Variants in FZD1 observed in about 807,000 individuals in gnomAD.
The protein encoded by FZD1 is frizzled class receptor 1.
Under a neutral mutation model 48.0 loss-of-function variants are expected in FZD1, and 22 were observed. The observed-to-expected ratio is 0.46, with a 90% CI of 0.33 to 0.65. The LOEUF is 0.65. FZD1 is among the 30% of genes least tolerant of loss of function. The pLI is 0.02. For synonymous variants in FZD1, 486 were observed against 409.6 expected (o/e 1.19, Z -2.25); for missense variants, 843 against 898.1 (o/e 0.94, Z 0.78).
chr7:91,265,251 G>A lies in FZD1; in HGVS notation c.371G>A (p.Cys124Tyr). 6.2e-7 allele frequency: 1 copy of A among 1,614,118 alleles called. No homozygotes were observed. The highest frequency in any genetic ancestry group is 8.5e-7 in the Non-Finnish European group (1 of 1,179,968). Residue 124 changes from cysteine to tyrosine, a missense_variant, in exon 1 of 1, where the codon TGC (cysteine) becomes TAC (tyrosine). Transcript: ENST00000287934. This position sits in a 1 kb window ranked among gnomAD's most constrained non-coding sequence, Gnocchi z 6.9. ...TGCCAGCCCATCTCCATCCCGCTGT[G>A]CACGGACATCGCGTACAACCAGACC... Reference protein sequence around the residue: ...GYCQPISIPLCTDIAYNQTIM... With the variant: ...GYCQPISIPLYTDIAYNQTIM...
rs1287946386 is a variant in FZD1 at position 91,267,351 on chromosome 7, GGTGCGACTA to G, written c.*529_*537del. 6.0e-6 allele frequency: 1 copy of G among 167,938 alleles called. No homozygotes were observed. The highest frequency in any genetic ancestry group is 1.4e-5 in the Non-Finnish European group (1 of 69,152). The allele number at this position is 167,938 out of a possible 1,614,324, so 10.4% of individuals were successfully genotyped here. A position where few individuals can be genotyped will look rare whatever the true frequency, so the allele number is the denominator to read the frequency against. ...CTCCGGGGCGAGTTCAGCACTGCGG[GGTGCGACTA>G]GGGCTGCGCTGCCAGGGTCACTTCC... On this transcript the variant is annotated 3_prime_UTR_variant, in exon 1 of 1. Transcript: ENST00000287934.
rs901251939 is a variant in FZD1, at chr7:91,264,550, T to A, written c.-331T>A. 2.9e-6 allele frequency: 1 copy of A among 347,720 alleles called. No homozygotes were observed. The highest frequency in any genetic ancestry group is 1.5e-4 in the South Asian group (1 of 6,842). 21.5% of individuals were successfully genotyped at this position (347,720 alleles called of 1,614,324 possible). The stretch of plus-strand genomic sequence containing the variant: ...CAGGGGGGAGCCGAGCCCGCTGGGC[T>A]GCGGAGAGTTGCGCTCTCTACGGGG... On this transcript the variant is annotated 5_prime_UTR_variant, in exon 1 of 1. Coordinates refer to ENST00000287934, the MANE Select transcript of FZD1 (RefSeq NM_003505.2).
Position 91,265,578 on chromosome 7 carries a change from C to T in FZD1, c.698C>T (p.Ser233Phe). The change falls in exon 1 of 1, where the codon TCC becomes TTC. Residue 233 changes from serine (S) to phenylalanine (F), a missense_variant. Physicochemically the swap from Ser to Phe is radical, Grantham distance 155. This residue lies in a region of FZD1 where 490 missense variants were observed against 466.5 expected (regional missense o/e 1.05). Coordinates refer to ENST00000287934, the MANE Select transcript of FZD1 (RefSeq NM_003505.2). The surrounding 1 kb of genome is among the most constrained non-coding windows in gnomAD (Gnocchi z 6.9). The stretch of plus-strand genomic sequence containing the variant: ...GAGCTGTGCGTGGGCCAGAACACGT[C>T]CGACAAGGGCACCCCGACGCCCTCG... ...AGELCVGQNTSDKGTPTPSLL... is the reference protein window; with the variant it reads ...AGELCVGQNTFDKGTPTPSLL... The T allele has an allele frequency of 6.2e-7, 1 of 1,609,724 alleles. No homozygotes were observed. Among genetic ancestry groups the T allele is most frequent in the Non-Finnish European group, 8.5e-7 (1 of 1,179,434 alleles).
At position 91,265,914 on chromosome 7, in the gene FZD1, T is replaced by TG; in HGVS notation, c.1035dup (p.Arg346AlafsTer37). 6.2e-7 allele frequency: 1 copy of TG among 1,614,180 alleles called. No individual in the cohort carries two copies. On this transcript the variant is annotated frameshift_variant, in exon 1 of 1. Transcript: ENST00000287934. LOFTEE classifies it high-confidence loss of function. This position sits in a 1 kb window ranked among gnomAD's most constrained non-coding sequence, Gnocchi z 6.9. ...ACGGTGCTTACGTACCTGGTGGACA[T>TG]GCGGCGCTTCAGCTACCCGGAGCGG...
Position 91,265,152 on chromosome 7 carries a change from C to G in FZD1, c.272C>G (p.Pro91Arg). The change falls in exon 1 of 1, where the codon CCG becomes CGG. Residue 91 changes from proline (P) to arginine (R), a missense_variant. By Grantham distance (103) the Pro-to-Arg change is moderately radical. Transcript: ENST00000287934. The surrounding 1 kb of genome is among the most constrained non-coding windows in gnomAD (Gnocchi z 6.9). Reference protein sequence around the residue: ...QGPGPGQQPPPPPQQQQSGQQ... With the variant: ...QGPGPGQQPPRPPQQQQSGQQ... ...CCCGGGCCGGGGCAGCAACCGCCGC[C>G]GCCGCCTCAGCAGCAACAGAGCGGG... 1 of 1,604,068 alleles carries G rather than the reference C, an allele frequency of 6.2e-7. No individual in the cohort carries two copies. Among genetic ancestry groups the G allele is most frequent in the South Asian group, 1.1e-5 (1 of 90,606 alleles).
At position 91,266,444 on chromosome 7, in the gene FZD1, C is replaced by G; in HGVS notation, c.1564C>G (p.His522Asp). The G allele has an allele frequency of 6.2e-7, 1 of 1,614,208 alleles. No homozygotes were observed. The highest frequency in any genetic ancestry group is 8.5e-7 in the Non-Finnish European group (1 of 1,180,022). Reference protein sequence around the residue: ...SLFRIRTIMKHDGTKTEKLEK... With the variant: ...SLFRIRTIMKDDGTKTEKLEK... The stretch of plus-strand genomic sequence containing the variant: ...CTTCCGCATCCGCACCATCATGAAG[C>G]ACGATGGCACCAAGACCGAGAAGCT... Residue 522 changes from histidine to aspartate, a missense_variant, in exon 1 of 1, where the codon CAC (histidine) becomes GAC (aspartate). Physicochemically the swap from His to Asp is moderately conservative, Grantham distance 81. This residue lies in a region of FZD1 where 353 missense variants were observed against 431.6 expected (regional missense o/e 0.82). Transcript: ENST00000287934. The surrounding 1 kb of genome is among the most constrained non-coding windows in gnomAD (Gnocchi z 6.8).
rs756113937 is a variant in FZD1, at chr7:91,265,222, C to T, written c.342C>T (p.Gly114=). ...GGGGCATCTCCGTCCCGGACCACGG[C>T]TATTGCCAGCCCATCTCCATCCCGC... ...GERGISVPDH[G]YCQPISIPLC... Residue 114 remains glycine (G), a synonymous_variant, in exon 1 of 1, where the codon GGC becomes GGT. Coordinates refer to ENST00000287934, the MANE Select transcript of FZD1 (RefSeq NM_003505.2). This position sits in a 1 kb window ranked among gnomAD's most constrained non-coding sequence, Gnocchi z 6.9. 6.2e-7 allele frequency: 1 copy of T among 1,614,042 alleles called. No individual in the cohort carries two copies. Among genetic ancestry groups the T allele is most frequent in the Admixed American group, 1.7e-5 (1 of 60,032 alleles).
rs986698757 is a variant in FZD1, at chr7:91,268,454, T to C, written c.*1630T>C. The C allele has an allele frequency of 6.0e-6, 1 of 167,108 alleles. No homozygotes were observed. Among genetic ancestry groups the C allele is most frequent in the Non-Finnish European group, 1.5e-5 (1 of 68,130 alleles). The allele number at this position is 167,108 out of a possible 1,614,324, so 10.4% of individuals were successfully genotyped here. A position where few individuals can be genotyped will look rare whatever the true frequency, so the allele number is the denominator to read the frequency against. ...CAAAGCCATTTAAAAATATTCACTT[T>C]AGTTCTCTGTGAAGAAGAGGAGAAA... On this transcript the variant is annotated 3_prime_UTR_variant, in exon 1 of 1. Coordinates refer to ENST00000287934, the MANE Select transcript of FZD1 (RefSeq NM_003505.2).
chr7:91,264,571 C>T lies in FZD1; in HGVS notation c.-310C>T. ...GGGCTGCGGAGAGTTGCGCTCTCTA[C>T]GGGGCCGCGGCCACTAGCGCGGCGC... On this transcript the variant is annotated 5_prime_UTR_variant, in exon 1 of 1. It adds an upstream start codon to the 5' untranslated region. Transcript: ENST00000287934. The T allele has an allele frequency of 5.5e-6, 2 of 362,070 alleles. No homozygotes were observed. The highest frequency in any genetic ancestry group is 9.9e-6 in the Non-Finnish European group (2 of 201,956). 22.4% of individuals were successfully genotyped at this position (362,070 alleles called of 1,614,324 possible).
Position 91,266,174 on chromosome 7 carries a change from G to A in FZD1, c.1294G>A (p.Gly432Ser). The A allele has an allele frequency of 6.2e-7, 1 of 1,614,176 alleles. No individual in the cohort carries two copies. ...ILSLTWFLAA[G>S]MKWGHEAIEA... ...GTCGCTCACCTGGTTCCTGGCGGCT[G>A]GCATGAAGTGGGGCCACGAGGCCAT... The change falls in exon 1 of 1, where the codon GGC (glycine) becomes AGC (serine). Residue 432 changes from glycine (G) to serine (S), a missense_variant. Physicochemically the swap from Gly to Ser is moderately conservative, Grantham distance 56. Coordinates refer to ENST00000287934, the MANE Select transcript of FZD1 (RefSeq NM_003505.2). The surrounding 1 kb of genome is among the most constrained non-coding windows in gnomAD (Gnocchi z 6.8).
At position 91,267,023 on chromosome 7, in the gene FZD1, G is replaced by GA; in HGVS notation, c.*200dup. The GA allele has an allele frequency of 1.8e-6, 1 of 557,626 alleles. No homozygotes were observed. The allele number at this position is 557,626 out of a possible 1,614,324, so 34.5% of individuals were successfully genotyped here. A position where few individuals can be genotyped will look rare whatever the true frequency, so the allele number is the denominator to read the frequency against. Reference sequence around the variant, plus strand: ...AAAGGACACGAGGGCCCGACTGCCAGAGGGAGGATGGACAGACCTCTTGCC... The same window carrying GA: ...AAAGGACACGAGGGCCCGACTGCCAGAAGGGAGGATGGACAGACCTCTTGCC... On this transcript the variant is annotated 3_prime_UTR_variant, in exon 1 of 1. Transcript: ENST00000287934.
Position 91,269,508 on chromosome 7 carries a change from C to T in FZD1, c.*2684C>T, listed in dbSNP as rs1194963365. On this transcript the variant is annotated 3_prime_UTR_variant, in exon 1 of 1. Coordinates refer to ENST00000287934, the MANE Select transcript of FZD1 (RefSeq NM_003505.2). The stretch of plus-strand genomic sequence containing the variant: ...GTTAAAAATATCTTTACTAAATTTT[C>T]CCATGAAAACATTTTGTGATAAAAT... 1 of 167,008 alleles carries T rather than the reference C, an allele frequency of 6.0e-6. No homozygotes were observed. The highest frequency in any genetic ancestry group is 2.4e-5 in the African/African-American group (1 of 41,534). 10.3% of individuals were successfully genotyped at this position (167,008 alleles called of 1,614,324 possible).
rs1487632879 is a variant in FZD1 at position 91,265,803 on chromosome 7, T to A, written c.923T>A (p.Leu308His). 37 of 1,613,572 alleles carry A rather than the reference T, an allele frequency of 2.3e-5. No homozygotes were observed. The highest frequency in any genetic ancestry group is 3.1e-5 in the Non-Finnish European group (36 of 1,179,686). The change falls in exon 1 of 1, where the codon CTC becomes CAC. Residue 308 changes from leucine to histidine, a missense_variant. Physicochemically the swap from Leu to His is moderately conservative, Grantham distance 99. Around this residue, in one of 2 missense-constraint regions of FZD1, gnomAD observed 490 missense variants for 466.5 expected, o/e 1.05. Coordinates refer to ENST00000287934, the MANE Select transcript of FZD1 (RefSeq NM_003505.2). The surrounding 1 kb of genome is among the most constrained non-coding windows in gnomAD (Gnocchi z 6.9). ...TGTGAGCCGACCAAGGTGTATGGGC[T>A]CATGTACTTCGGGCCCGAGGAGCTG... is the stretch of plus-strand genomic sequence containing the variant. Reference protein sequence around the residue: ...APCEPTKVYGLMYFGPEELRF... With the variant: ...APCEPTKVYGHMYFGPEELRF...
In FZD1 at chr7:91,264,859, C is replaced by G; in HGVS notation, c.-22C>G. 2 of 1,281,448 alleles carry G rather than the reference C, an allele frequency of 1.6e-6. No individual in the cohort carries two copies. The highest frequency in any genetic ancestry group is 2.0e-6 in the Non-Finnish European group (2 of 1,017,374). 79.4% of individuals were successfully genotyped at this position (1,281,448 alleles called of 1,614,324 possible). On this transcript the variant is annotated 5_prime_UTR_variant, in exon 1 of 1. Coordinates refer to ENST00000287934, the MANE Select transcript of FZD1 (RefSeq NM_003505.2). Reference sequence around the variant, plus strand: ...CCCTGGCAGCCCCAGCGGAGCGGCGCCAAGAGAGGAGCCGAGAAAGTATGG... The same window carrying G: ...CCCTGGCAGCCCCAGCGGAGCGGCGGCAAGAGAGGAGCCGAGAAAGTATGG...
Position 91,266,631 on chromosome 7 carries a change from T to A in FZD1, c.1751T>A (p.Leu584His). Residue 584 changes from leucine to histidine, a missense_variant, in exon 1 of 1, where the codon CTC (leucine) becomes CAC (histidine). Leu to His is a moderately conservative substitution (Grantham distance 99). Coordinates refer to ENST00000287934, the MANE Select transcript of FZD1 (RefSeq NM_003505.2). This position sits in a 1 kb window ranked among gnomAD's most constrained non-coding sequence, Gnocchi z 6.8. ...AGCTACGCTATCCCCTGCCCTCACC[T>A]CCAGGCGGGCGGAGGCGCCCCGCCG... ...CKSYAIPCPH[L>H]QAGGGAPPHP... is the part of the protein sequence containing the mutation. The A allele has an allele frequency of 6.2e-7, 1 of 1,612,698 alleles. No homozygotes were observed. The highest frequency in any genetic ancestry group is 1.1e-5 in the South Asian group (1 of 91,040).
Position 91,265,741 on chromosome 7 carries a change from C to G in FZD1, c.861C>G (p.Asn287Lys). The G allele has an allele frequency of 6.2e-7, 1 of 1,611,828 alleles. No individual in the cohort carries two copies. Among genetic ancestry groups the G allele is most frequent in the Non-Finnish European group, 8.5e-7 (1 of 1,178,596 alleles). The change falls in exon 1 of 1, where the codon AAC (asparagine) becomes AAG (lysine). Residue 287 changes from asparagine (N) to lysine (K), a missense_variant. Asn to Lys is a moderately conservative substitution (Grantham distance 94). This residue lies in a region of FZD1 where 490 missense variants were observed against 466.5 expected (regional missense o/e 1.05). Transcript: ENST00000287934. The surrounding 1 kb of genome is among the most constrained non-coding windows in gnomAD (Gnocchi z 6.9). Reference protein sequence around the residue: ...PRALKVPSYLNYHFLGEKDCG... With the variant: ...PRALKVPSYLKYHFLGEKDCG... ...CCCTCAAGGTGCCCTCCTACCTCAA[C>G]TACCACTTCCTGGGGGAGAAGGACT...
At position 91,266,480 on chromosome 7, in the gene FZD1, A is replaced by G. The variant is rs145464476; in HGVS notation, c.1600A>G (p.Met534Val). The G allele has an allele frequency of 2.5e-6, 4 of 1,613,942 alleles. No homozygotes were observed. In the African/African-American group the frequency reaches 5.3e-5, roughly 22 times the overall value. The change falls in exon 1 of 1, where the codon ATG becomes GTG. Residue 534 changes from methionine (M) to valine (V), a missense_variant. Around this residue, in one of 2 missense-constraint regions of FZD1, gnomAD observed 353 missense variants for 431.6 expected, o/e 0.82. Transcript: ENST00000287934. The surrounding 1 kb of genome is among the most constrained non-coding windows in gnomAD (Gnocchi z 6.8). The part of the protein sequence containing the change: ...GTKTEKLEKL[M>V]VRIGVFSVLY... ...CAAGACCGAGAAGCTGGAGAAGCTC[A>G]TGGTGCGCATTGGCGTCTTCAGCGT...
Position 91,266,544 on chromosome 7 carries a change from ACTT to A in FZD1, c.1667_1669del (p.Phe556del). 6.2e-7 allele frequency: 1 copy of A among 1,613,888 alleles called. No individual in the cohort carries two copies. The highest frequency in any genetic ancestry group is 8.5e-7 in the Non-Finnish European group (1 of 1,179,992). The stretch of plus-strand genomic sequence containing the variant: ...CCAGCCACCATCGTCATCGCCTGCT[ACTT>A]CTACGAGCAGGCCTTCCGGGACCAG... On this transcript the variant is annotated inframe_deletion, in exon 1 of 1. Transcript: ENST00000287934. This position sits in a 1 kb window ranked among gnomAD's most constrained non-coding sequence, Gnocchi z 6.8.
rs1035247200 is a variant in FZD1 at position 91,271,300 on chromosome 7, G to A, written c.*4476G>A. 5 of 166,900 alleles carry A rather than the reference G, an allele frequency of 3.0e-5. No individual in the cohort carries two copies. Among genetic ancestry groups the A allele is most frequent in the African/African-American group, 1.2e-4 (5 of 41,424 alleles). 10.3% of individuals were successfully genotyped at this position (166,900 alleles called of 1,614,324 possible). On this transcript the variant is annotated 3_prime_UTR_variant, in exon 1 of 1. Transcript: ENST00000287934. ...GACAAAACAGCTTGCTTAGAACCTG[G>A]AAATTAAAACACAATTTCTAGAGTA...
Sources: allele counts gnomAD v4.1 joint callset, GRCh38; gene constraint gnomAD v4.1.1; regional missense constraint gnomAD v4.1.1; non-coding constraint Gnocchi (gnomAD v3.1); transcripts MANE v1.5; gene names NCBI Gene and HGNC (gene_info 2026-07-23, HGNC 2026-07-21).